The following FGF10 variants were observed in gnomAD, a reference collection of about 807,000 sequenced individuals.
FGF10 encodes the protein FGF-10.
Under a neutral mutation model 19.8 loss-of-function variants are expected in FGF10, and 2 were observed. The ratio of observed to expected loss-of-function variants is 0.10; its 90% CI spans 0.04 to 0.32. The LOEUF is 0.32. FGF10 is among the 10% of genes least tolerant of loss of function. The pLI is 1.00. For synonymous variants in FGF10, 112 were observed against 94.0 expected (o/e 1.19, Z -1.10); for missense variants, 191 against 246.3 (o/e 0.78, Z 1.50).
intron 2 of FGF10, among the ~76,000 whole-genome samples, chr5:44,307,243 C>T (rs549918013): frequency 6.2e-4 from 95 of 152,096 alleles, no homozygotes; most frequent in Middle Eastern, 3.4e-3. Context: ...AGAGGAGGGG[C>T]CTCAAAATAT....
At chr5:44,362,759 A>C (rs1741521795) in intron 1 of FGF10, among the ~76,000 whole-genome samples, 1 of 151,422 alleles carries the variant, frequency 6.6e-6, no homozygotes, top group Non-Finnish European at 1.5e-5. Context: ...CCTCTGCTAA[A>C]GAAATTTCCT....
intron 1 of FGF10, among the ~76,000 whole-genome samples, chr5:44,382,111 G>A (rs988881112): frequency 1.3e-5 from 2 of 152,144 alleles, no homozygotes; most frequent in African/African-American, 4.8e-5. Context: ...ATAAGGCAAT[G>A]CTTTACTGCC....
At chr5:44,349,922 T>C (rs1348580777) in intron 1 of FGF10, among the ~76,000 whole-genome samples, 1 of 151,244 alleles carries the variant, frequency 6.6e-6, no homozygotes, top group Non-Finnish European at 1.5e-5. Context: ...TATTGAATCA[T>C]GTGAGTGTCT....
intron 1 of FGF10, among the ~76,000 whole-genome samples, chr5:44,371,757 CT>C (rs934180768): frequency 1.8e-4 from 27 of 152,060 alleles, no homozygotes; most frequent in African/African-American, 6.5e-4. Context: ...TTTGTTATCC[CT>C]TTAGATTCAA....
chr5:44,309,019 G>T (rs1388427146), intron 2 of FGF10, among the ~76,000 whole-genome samples: 2 of 152,170 alleles, frequency 1.3e-5, no homozygotes, highest in South Asian at 4.2e-4. Context: ...GTTCTAAATG[G>T]TTCTCTCAGC....
intron 1 of FGF10, among the ~76,000 whole-genome samples, chr5:44,319,871 T>C (rs1013152245): frequency 1.3e-5 from 2 of 152,182 alleles, no homozygotes; most frequent in African/African-American, 4.8e-5. Flanking sequence ...GGACTGGTAC[T>C]GGTCCATGGC....
At chr5:44,371,671 T>G (rs1470215622) in intron 1 of FGF10, among the ~76,000 whole-genome samples, 1 of 152,142 alleles carries the variant, frequency 6.6e-6, no homozygotes, top group Non-Finnish European at 1.5e-5. Context: ...GCTTTTGTAG[T>G]GCCTAGCAGT....
At chr5:44,336,755 A>G (rs2111776083) in intron 1 of FGF10, among the ~76,000 whole-genome samples, 1 of 152,326 alleles carries the variant, frequency 6.6e-6, no homozygotes, top group South Asian at 2.1e-4. Context: ...AGTATATAGA[A>G]GAATGATAAA....
intron 1 of FGF10, among the ~76,000 whole-genome samples, chr5:44,320,545 A>G (rs1296093301): frequency 6.6e-6 from 1 of 152,196 alleles, no homozygotes; most frequent in Non-Finnish European, 1.5e-5. Flanking sequence ...TCCCACTTAA[A>G]TTATGGGTTC....
At chr5:44,328,392 C>A (rs1579908419) in intron 1 of FGF10, among the ~76,000 whole-genome samples, 1 of 152,152 alleles carries the variant, frequency 6.6e-6, no homozygotes, top group Admixed American at 6.6e-5. Context: ...TTTCCCTTAA[C>A]CCTTACAATT....
At chr5:44,375,392 A>T (rs1347651619) in intron 1 of FGF10, among the ~76,000 whole-genome samples, 1 of 152,128 alleles carries the variant, frequency 6.6e-6, no homozygotes, top group Non-Finnish European at 1.5e-5. Context: ...AAAGAAGAAG[A>T]GCTGGGAAAG....
At chr5:44,310,603 A>C (rs1740189319) in intron 1 of FGF10, 73 bp from the exon 2 acceptor site, 1 of 1,128,374 alleles carries the variant, frequency 8.9e-7, no homozygotes, top group Non-Finnish European at 1.3e-6. Context: ...AATCAAAAGA[A>C]ACTATTGAGT....
rs1224058801 is a variant in FGF10 at position 44,302,850 on chromosome 5, T to C, written c.*2145A>G. 1.3e-5 allele frequency among the ~76,000 whole-genome samples: 2 copies of C among 152,248 alleles called. No homozygotes were observed. The highest frequency in any genetic ancestry group is 2.9e-5 in the Non-Finnish European group (2 of 68,038). On this transcript the variant is annotated 3_prime_UTR_variant, in exon 3 of 3. Transcript: ENST00000264664. ...CTATGTGAAATAAGAATCCAGTTTG[T>C]GCCCTGTTTGCTGTTACTGTGGTCA...
In FGF10 at chr5:44,304,148, A is replaced by G. The variant is rs1271374872; in HGVS notation, c.*847T>C. On this transcript the variant is annotated 3_prime_UTR_variant, in exon 3 of 3. Coordinates refer to ENST00000264664, the MANE Select transcript of FGF10 (RefSeq NM_004465.2). Reference sequence around the variant, plus strand: ...GCCATATTTATTGTTGATGGTTATTACTGCAGAAGTGCAAATTAAGTCAAC... The same window carrying G: ...GCCATATTTATTGTTGATGGTTATTGCTGCAGAAGTGCAAATTAAGTCAAC... The G allele has an allele frequency of 6.6e-6, 1 of 152,136 alleles. No homozygotes were observed. The highest frequency in any genetic ancestry group is 6.5e-5 in the Admixed American group (1 of 15,268). 9.4% of individuals were successfully genotyped at this position (152,136 alleles called of 1,614,324 possible). A position where few individuals can be genotyped will look rare whatever the true frequency, so the allele number is the denominator to read the frequency against.
At chr5:44,366,280 G>A (rs56812284) in intron 1 of FGF10, among the ~76,000 whole-genome samples, 2,093 of 151,600 alleles carry the variant, frequency 0.014, 54 homozygotes, top group African/African-American at 0.047. Flanking sequence ...TGAGAACAAT[G>A]GTGAAAGGTG....
intron 1 of FGF10, among the ~76,000 whole-genome samples, chr5:44,328,587 G>A (rs889397693): frequency 2.6e-5 from 4 of 152,194 alleles, no homozygotes; most frequent in South Asian, 2.1e-4. Context: ...GTGAGACCGC[G>A]TCACTACAAA....
chr5:44,307,122 T>G (rs998475122), intron 2 of FGF10, among the ~76,000 whole-genome samples: 6 of 152,180 alleles, frequency 3.9e-5, no homozygotes, highest in Non-Finnish European at 2.9e-5. Flanking sequence ...AATGTTAATT[T>G]TCCTCCCCAA....
intron 1 of FGF10, among the ~76,000 whole-genome samples, chr5:44,324,356 T>G (rs1222712844): frequency 6.6e-6 from 1 of 152,136 alleles, no homozygotes; most frequent in Non-Finnish European, 1.5e-5. Flanking sequence ...TCGTCAAATT[T>G]TATCTGAAAC....
intron 1 of FGF10, among the ~76,000 whole-genome samples, chr5:44,312,436 C>T (rs1034502158): frequency 6.6e-6 from 1 of 152,042 alleles, no homozygotes; most frequent in Non-Finnish European, 1.5e-5. Context: ...TCTCTGACTA[C>T]TTTGCCTCTC....
Sources: gnomAD v4.1 joint callset for allele counts (sites outside exome capture counted in the v4.1 genomes callset) on GRCh38, gnomAD v4.1.1 for gene constraint, MANE v1.5 for transcripts, NCBI Gene and HGNC (gene_info 2026-07-23, HGNC 2026-07-21) for gene names.